Variants in ZNF385D observed in about 807,000 individuals in gnomAD.
ZNF385D encodes zinc finger protein 385D.
In ZNF385D, 15 loss-of-function variants were observed where a neutral mutation model predicts 35.8. The observed-to-expected ratio is 0.42, with a 90% CI of 0.28 to 0.64. ZNF385D has a LOEUF of 0.64. Among genes scored for constraint, ZNF385D ranks in the 30% least tolerant of loss-of-function variants. The pLI is 0.23. For missense variants in ZNF385D, 474 were observed against 494.6 expected (o/e 0.96, Z 0.39); for synonymous variants, 212 against 186.8 (o/e 1.13, Z -1.10).
intron 3 of ZNF385D, among the ~76,000 whole-genome samples, chr3:21,884,758 G>C (rs905331383): frequency 6.6e-6 from 1 of 151,968 alleles, no homozygotes; most frequent in Non-Finnish European, 1.5e-5. Context: ...TCCAGATCCA[G>C]TGACATTATA....
At chr3:22,063,953 T>TA (rs1178053135) in intron 3 of ZNF385D, among the ~76,000 whole-genome samples, 1 of 152,206 alleles carries the variant, frequency 6.6e-6, no homozygotes, top group Non-Finnish European at 1.5e-5. Flanking sequence ...AACCCACAGT[T>TA]ATTAATCCTG....
intron 3 of ZNF385D, among the ~76,000 whole-genome samples, chr3:22,083,239 A>G (rs1250911192): frequency 6.6e-6 from 1 of 152,244 alleles, no homozygotes; most frequent in Non-Finnish European, 1.5e-5. Context: ...GACTTTGATG[A>G]GTTGACAGAA....
At chr3:21,816,584 A>G (rs548804450) in intron 3 of ZNF385D, among the ~76,000 whole-genome samples, 17 of 152,316 alleles carry the variant, frequency 1.1e-4, no homozygotes, top group African/African-American at 3.8e-4. Flanking sequence ...CCCATTCACA[A>G]TTGCTTCAAG....
chr3:21,444,371 C>A (rs1702027899), intron 4 of ZNF385D, among the ~76,000 whole-genome samples: 1 of 137,076 alleles, frequency 7.3e-6, no homozygotes, highest in Admixed American at 8.0e-5. Context: ...TGAGCCACAG[C>A]ACCCGGCCTT....
At chr3:21,424,321 T>TATATATATATAC (rs1700905780) in intron 6 of ZNF385D, among the ~76,000 whole-genome samples, 1 of 47,754 alleles carries the variant, frequency 2.1e-5, no homozygotes, top group African/African-American at 6.6e-5. Context: ...ATATATATTT[T>TATATATATATAC]TTTTTTTTTT....
At chr3:21,998,193 T>C (rs1241581083) in intron 3 of ZNF385D, among the ~76,000 whole-genome samples, 1 of 152,126 alleles carries the variant, frequency 6.6e-6, no homozygotes, top group Non-Finnish European at 1.5e-5. Context: ...ACCCCTTATT[T>C]AGCATATAAT....
At chr3:21,654,342 A>G (rs1468429003) in intron 2 of ZNF385D, among the ~76,000 whole-genome samples, 1 of 152,076 alleles carries the variant, frequency 6.6e-6, no homozygotes, top group Non-Finnish European at 1.5e-5. Context: ...GAAAGGCAAA[A>G]TGCAAGTTAT....
chr3:21,572,365 G>T (rs2063360738), intron 2 of ZNF385D, among the ~76,000 whole-genome samples: 1 of 152,020 alleles, frequency 6.6e-6, no homozygotes, highest in African/African-American at 2.4e-5. Context: ...TATATCCCAA[G>T]AAACTTTCAC....
At chr3:22,251,591 C>T (rs565225956) in intron 2 of ZNF385D, among the ~76,000 whole-genome samples, 4 of 152,178 alleles carry the variant, frequency 2.6e-5, no homozygotes, top group African/African-American at 9.6e-5. Context: ...TTCTCCTGAG[C>T]CAGCATCCCT....
At chr3:22,192,150 A>G (rs1696093253) in intron 2 of ZNF385D, among the ~76,000 whole-genome samples, 1 of 152,166 alleles carries the variant, frequency 6.6e-6, no homozygotes, top group African/African-American at 2.4e-5. Flanking sequence ...AACAGATTGC[A>G]GTAACTTAGT....
chr3:22,027,495 G>A (rs866657571), intron 3 of ZNF385D, among the ~76,000 whole-genome samples: 1 of 152,144 alleles, frequency 6.6e-6, no homozygotes, highest in African/African-American at 2.4e-5. Context: ...CTAGGATTTT[G>A]GAGCAAGGTC....
chr3:21,635,959 T>A (rs1373953955), intron 2 of ZNF385D, among the ~76,000 whole-genome samples: 1 of 152,150 alleles, frequency 6.6e-6, no homozygotes, highest in Non-Finnish European at 1.5e-5. Flanking sequence ...CACTTGTTGA[T>A]TGATGGGCAT....
intron 4 of ZNF385D, among the ~76,000 whole-genome samples, chr3:21,496,660 C>G (rs1441254918): frequency 6.6e-6 from 1 of 150,646 alleles, no homozygotes; most frequent in Non-Finnish European, 1.5e-5. Context: ...CAACAAAATA[C>G]TAGCAAACCT....
At chr3:22,353,716 G>A (rs1360505669) in intron 2 of ZNF385D, among the ~76,000 whole-genome samples, 1 of 152,084 alleles carries the variant, frequency 6.6e-6, no homozygotes, top group Admixed American at 6.6e-5. Context: ...TCCTTCTACA[G>A]TCCTGTTCCT....
At chr3:21,580,808 T>C (rs962595692) in intron 2 of ZNF385D, among the ~76,000 whole-genome samples, 1 of 120,726 alleles carries the variant, frequency 8.3e-6, no homozygotes, top group Non-Finnish European at 1.9e-5. Context: ...TATGTGTGTG[T>C]ATATATATAT....
At chr3:21,605,999 A>T (rs1321550914) in intron 2 of ZNF385D, among the ~76,000 whole-genome samples, 1 of 151,776 alleles carries the variant, frequency 6.6e-6, no homozygotes, top group Non-Finnish European at 1.5e-5. Context: ...ACCTCCTTCC[A>T]CTCTGACTTT....
At chr3:22,133,338 T>C (rs189638328) in intron 3 of ZNF385D, among the ~76,000 whole-genome samples, 6 of 152,150 alleles carry the variant, frequency 3.9e-5, no homozygotes, top group Admixed American at 3.3e-4. Flanking sequence ...TGCAGTAGAA[T>C]ACTGAACATA....
At chr3:21,557,727 G>C (rs912846725) in intron 3 of ZNF385D, among the ~76,000 whole-genome samples, 2 of 152,168 alleles carry the variant, frequency 1.3e-5, no homozygotes, top group African/African-American at 4.8e-5. Flanking sequence ...AATAGTTTCA[G>C]AAGGAATGGT....
chr3:22,064,983 T>C (rs1286490171), intron 3 of ZNF385D, among the ~76,000 whole-genome samples: 1 of 152,228 alleles, frequency 6.6e-6, no homozygotes, highest in East Asian at 1.9e-4. Context: ...ATTATGACGG[T>C]ATAATGTTGT....
Sources: gnomAD v4.1 joint callset for allele counts (sites outside exome capture counted in the v4.1 genomes callset) on GRCh38, gnomAD v4.1.1 for gene constraint, MANE v1.5 for transcripts, NCBI Gene and HGNC (gene_info 2026-07-23, HGNC 2026-07-21) for gene names.